Variants in CD1B observed in about 807,000 individuals in gnomAD.
CD1B encodes T-cell surface glycoprotein CD1b.
A neutral mutation model predicts 39.8 loss-of-function variants in CD1B; 43 were observed. The ratio of observed to expected loss-of-function variants is 1.08; its 90% CI spans 0.85 to 1.39. The LOEUF is 1.39. Ranked by LOEUF, CD1B falls within the 40% of genes most tolerant of loss-of-function variation. The pLI, the probability that CD1B is intolerant of heterozygous loss-of-function variation, is 0.00. For missense variants in CD1B, 495 were observed against 403.8 expected, an observed-to-expected ratio of 1.23 and a Z score of -1.94; for synonymous variants, 192 against 152.5, an observed-to-expected ratio of 1.26 and a Z score of -1.91.
chr1:158,289,060 C>T, the CD1B span, among the ~76,000 whole-genome samples: 6 of 152,188 alleles, frequency 3.9e-5, no homozygotes, highest in Admixed American at 2.0e-4. Flanking sequence ...AGTTGAGATG[C>T]ATGCTGTTCT....
intron 5 of CD1B, 77 bp downstream of exon 5, chr1:158,328,844 A>T (rs752977692): frequency 2.0e-5 from 21 of 1,035,840 alleles, no homozygotes; most frequent in Non-Finnish European, 2.8e-5. Flanking sequence ...TTTTAAATAG[A>T]TAAAATGGTA....
the CD1B span, among the ~76,000 whole-genome samples, chr1:158,303,125 A>T: frequency 1.3e-5 from 2 of 152,234 alleles, no homozygotes; most frequent in African/African-American, 4.8e-5. Context: ...AGGTTGGTTC[A>T]ACATACAGAA....
chr1:158,311,742 A>G, the CD1B span, among the ~76,000 whole-genome samples: 10 of 152,098 alleles, frequency 6.6e-5, no homozygotes, highest in Admixed American at 5.9e-4. Flanking sequence ...AGCACTATTT[A>G]TTGAAGAGAC....
At chr1:158,292,980 A>G in the CD1B span, 1 of 1,110,984 alleles carries the variant, frequency 9.0e-7, no homozygotes, top group East Asian at 2.5e-5. Flanking sequence ...GTAGGAAGAA[A>G]TGTATAGGGT....
chr1:158,304,101 G>C, the CD1B span, among the ~76,000 whole-genome samples: 1 of 152,116 alleles, frequency 6.6e-6, no homozygotes, highest in Non-Finnish European at 1.5e-5. Flanking sequence ...GTGCAGGACA[G>C]TGGGTGCAGT....
At chr1:158,299,000 C>G in the CD1B span, among the ~76,000 whole-genome samples, 2 of 151,962 alleles carry the variant, frequency 1.3e-5, no homozygotes, top group South Asian at 2.1e-4. Flanking sequence ...AATTAAATAC[C>G]CTTTATTTCT....
the CD1B span, among the ~76,000 whole-genome samples, chr1:158,308,210 A>G: frequency 6.6e-6 from 1 of 152,204 alleles, no homozygotes; most frequent in Admixed American, 6.5e-5. Flanking sequence ...GAGCCAAACC[A>G]TGAGTGAACT....
chr1:158,315,598 T>A, the CD1B span, among the ~76,000 whole-genome samples: 228 of 151,528 alleles, frequency 1.5e-3, no homozygotes, highest in African/African-American at 5.5e-3. Flanking sequence ...TTTCTCCCAT[T>A]TTGTAGGTTG....
rs1282629406 is a variant in CD1B at position 158,331,509 on chromosome 1, ACTT to A, written c.-89_-87del. On this transcript the variant is annotated 5_prime_UTR_variant, in exon 1 of 6. Coordinates refer to ENST00000368168, the MANE Select transcript of CD1B (RefSeq NM_001764.3). ...AGCTTTTCCTCAGTACCCTGTAGTG[ACTT>A]CTTCTCTCTTCCAACTGCCAAATCT... is the stretch of plus-strand genomic sequence containing the variant. The A allele has an allele frequency of 2.6e-5, 28 of 1,083,676 alleles. No homozygotes were observed. The highest frequency in any genetic ancestry group is 2.0e-4 in the Middle Eastern group (1 of 5,078). The allele number at this position is 1,083,676 out of a possible 1,614,324, so 67.1% of individuals were successfully genotyped here.
the CD1B span, chr1:158,293,285 A>G: frequency 2.5e-6 from 4 of 1,613,728 alleles, no homozygotes; most frequent in Non-Finnish European, 3.4e-6. Flanking sequence ...TCCTTGTGTT[A>G]TGGTTTAAGA....
At chr1:158,312,081 G>T in the CD1B span, among the ~76,000 whole-genome samples, 1 of 152,072 alleles carries the variant, frequency 6.6e-6, no homozygotes, top group Non-Finnish European at 1.5e-5. Context: ...AGATTGCTTT[G>T]GGTAGTATGG....
chr1:158,308,369 G>A, the CD1B span, among the ~76,000 whole-genome samples: 1 of 152,136 alleles, frequency 6.6e-6, no homozygotes, highest in South Asian at 2.1e-4. Flanking sequence ...ATGCTCATGG[G>A]TAGGAAGAAT....
chr1:158,305,164 A>G, the CD1B span, among the ~76,000 whole-genome samples: 1 of 152,224 alleles, frequency 6.6e-6, no homozygotes, highest in Non-Finnish European at 1.5e-5. Flanking sequence ...GTTCGAACTC[A>G]TCGCAAAGAA....
chr1:158,312,957 C>T, the CD1B span, among the ~76,000 whole-genome samples: 1 of 152,000 alleles, frequency 6.6e-6, no homozygotes, highest in Non-Finnish European at 1.5e-5. Context: ...CATCTTTTCC[C>T]CATTTTGTTT....
At chr1:158,306,010 G>C in the CD1B span, among the ~76,000 whole-genome samples, 3 of 152,202 alleles carry the variant, frequency 2.0e-5, no homozygotes, top group East Asian at 3.8e-4. Flanking sequence ...AGGCTAGGAA[G>C]AAACTGCATC....
chr1:158,299,396 G>C, the CD1B span, among the ~76,000 whole-genome samples: 4 of 152,282 alleles, frequency 2.6e-5, no homozygotes, highest in East Asian at 3.9e-4. Context: ...GCTTTTTGAT[G>C]TGCTGCTGGA....
chr1:158,322,353 C>A, the CD1B span, among the ~76,000 whole-genome samples: 1 of 152,024 alleles, frequency 6.6e-6, no homozygotes, highest in Non-Finnish European at 1.5e-5. Flanking sequence ...TATCCTATTT[C>A]AGCCTCTTGA....
At chr1:158,330,452 G>A (rs904716667) in intron 2 of CD1B, 13 of 553,240 alleles carry the variant, frequency 2.3e-5, no homozygotes, top group African/African-American at 2.3e-4. Flanking sequence ...GGGAGGAGAT[G>A]ATTGAAAAGA....
chr1:158,288,376 C>T, the CD1B span, among the ~76,000 whole-genome samples: 1 of 152,114 alleles, frequency 6.6e-6, no homozygotes, highest in African/African-American at 2.4e-5. Flanking sequence ...AAATTTAAAA[C>T]AGAAACAATG....
Sources: allele counts gnomAD v4.1 joint callset (sites outside exome capture counted in the v4.1 genomes callset), GRCh38; gene constraint gnomAD v4.1.1; transcripts MANE v1.5; gene names NCBI Gene and HGNC (gene_info 2026-07-23, HGNC 2026-07-21).